The following MAX variants were observed in gnomAD, a reference collection of about 807,000 sequenced individuals.
MAX encodes the protein MYC associated transcriptional regulator X, also known as protein max.
A neutral mutation model predicts 22.3 loss-of-function variants in MAX; 3 were observed. The ratio of observed to expected loss-of-function variants is 0.13; its 90% confidence interval spans 0.06 to 0.35. The LOEUF is 0.35. Ranked by LOEUF, MAX falls within the 10% of genes least tolerant of loss-of-function variation. The probability of loss-of-function intolerance (pLI) is 1.00; values close to 1 mark genes in which losing one functional copy is unlikely to be tolerated. For synonymous variants in MAX, 72 were observed against 77.7 expected (o/e 0.93, Z 0.39); for missense variants, 119 against 209.4 (o/e 0.57, Z 2.66).
At chr14:65,020,434 C>T (rs905610434) in intron 3 of MAX, among the ~76,000 whole-genome samples, 3 of 151,954 alleles carry the variant, frequency 2.0e-5, no homozygotes, top group African/African-American at 4.8e-5. Flanking sequence ...CTTCAGCTTG[C>T]CTCTTTTTTT....
intron 3 of MAX, among the ~76,000 whole-genome samples, chr14:65,046,349 T>C (rs535240896): frequency 6.6e-6 from 1 of 152,332 alleles, no homozygotes; most frequent in African/African-American, 2.4e-5. Context: ...GTCAAGCCCC[T>C]GGTAAAATGG....
At position 65,054,746 on chromosome 14, in the gene MAX, G is replaced by T. The variant is rs991885041; in HGVS notation, c.171+38962C>A. On this transcript the variant is annotated intron_variant, in intron 3 of 3. Coordinates refer to the MAX transcript ENST00000341653. The surrounding 1 kb of genome is among the most constrained non-coding windows in gnomAD (Gnocchi z 4.4). ...TCCACAGGGACCTCGCGGACAGAAG[G>T]CTTTCCAAGTAAGCAGAACTGGCTC... The T allele has an allele frequency of 2.6e-6, 4 of 1,535,604 alleles. No individual in the cohort carries two copies. Among genetic ancestry groups the T allele is most frequent in the East Asian group, 2.4e-5 (1 of 41,008 alleles).
In MAX at chr14:65,093,331, A is replaced by T. The variant is rs903478443; in HGVS notation, c.171+377T>A. Among the ~76,000 whole-genome samples the T allele has an allele frequency of 3.3e-5, 5 of 152,218 alleles. No individual in the cohort carries two copies. The highest frequency in any genetic ancestry group is 1.2e-4 in the African/African-American group (5 of 41,454). On this transcript the variant is annotated intron_variant, in intron 3 of 4. Coordinates refer to ENST00000358664, the MANE Select transcript of MAX (RefSeq NM_002382.5). This position sits in a 1 kb window ranked among gnomAD's most constrained non-coding sequence, Gnocchi z 4.4. ...TAAAGTATTAACTTTGAACCATAGG[A>T]AAGGAATTCTCATGGAGGTCTAGGG...
chr14:65,076,166 C>T lies in MAX; in HGVS notation c.*310G>A, dbSNP rs2063050495. On this transcript the variant is annotated 3_prime_UTR_variant, in exon 5 of 5. Coordinates refer to ENST00000358664, the MANE Select transcript of MAX (RefSeq NM_002382.5). The surrounding 1 kb of genome is among the most constrained non-coding windows in gnomAD (Gnocchi z 6.6). ...TAGGGTGGGCAGGACACTATGTGCT[C>T]AGAGGTCCGGCCGGCCGTCTGTCCT... 4.4e-6 allele frequency: 6 copies of T among 1,372,874 alleles called. No individual in the cohort carries two copies. Among genetic ancestry groups the T allele is most frequent in the Non-Finnish European group, 4.7e-6 (5 of 1,063,840 alleles). 85.0% of individuals were successfully genotyped at this position (1,372,874 alleles called of 1,614,324 possible). A position where few individuals can be genotyped will look rare whatever the true frequency, so the allele number is the denominator to read the frequency against.
In MAX at chr14:65,093,206, A is replaced by G. The variant is rs552714875; in HGVS notation, c.171+502T>C. On this transcript the variant is annotated intron_variant, in intron 3 of 4. Transcript: ENST00000358664. The surrounding 1 kb of genome is among the most constrained non-coding windows in gnomAD (Gnocchi z 4.4). Reference sequence around the variant, plus strand: ...TGTCCCACAGCTTAAAATGCTCTTTATACGCCTTGGAAATAACAATTATTG... The same window carrying G: ...TGTCCCACAGCTTAAAATGCTCTTTGTACGCCTTGGAAATAACAATTATTG... Among the ~76,000 whole-genome samples the G allele has an allele frequency of 3.7e-4, 56 of 152,282 alleles. No homozygotes were observed. Among genetic ancestry groups the G allele is most frequent in the Admixed American group, 8.5e-4 (13 of 15,306 alleles).
chr14:65,071,760 C>T (rs967543171), downstream of MAX, among the ~76,000 whole-genome samples: 5 of 152,184 alleles, frequency 3.3e-5, no homozygotes, highest in Admixed American at 1.3e-4. The surrounding 1 kb of genome is among the most constrained non-coding windows in gnomAD (Gnocchi z 4.2). Flanking sequence ...TTCCCAACAC[C>T]GACCCCAATG....
chr14:65,078,065 G>GC lies in MAX; in HGVS notation c.172-30_172-29insG, dbSNP rs1373435079. ...TGGCAATATGAGAAAAAGCACAGGG[G>GC]ACAAAATAAAAACCCAATCCAGGCA... On this transcript the variant is annotated intron_variant, in intron 3 of 4. Transcript: ENST00000358664. This position sits in a 1 kb window ranked among gnomAD's most constrained non-coding sequence, Gnocchi z 6.4. 8.7e-6 allele frequency: 14 copies of GC among 1,614,020 alleles called. No individual in the cohort carries two copies. Among genetic ancestry groups the GC allele is most frequent in the Non-Finnish European group, 1.1e-5 (13 of 1,180,026 alleles).
chr14:65,076,245 G>A lies in MAX; in HGVS notation c.*231C>T. 7.0e-7 allele frequency: 1 copy of A among 1,429,694 alleles called. No homozygotes were observed. Among genetic ancestry groups the A allele is most frequent in the East Asian group, 2.5e-5 (1 of 39,804 alleles). 88.6% of individuals were successfully genotyped at this position (1,429,694 alleles called of 1,614,324 possible). A position where few individuals can be genotyped will look rare whatever the true frequency, so the allele number is the denominator to read the frequency against. On this transcript the variant is annotated 3_prime_UTR_variant, in exon 5 of 5. Transcript: ENST00000358664. The surrounding 1 kb of genome is among the most constrained non-coding windows in gnomAD (Gnocchi z 6.6). Reference sequence around the variant, plus strand: ...TTTTGGTTTAAAAATTCCTGTTGGGGACAGGGAATCCCTGAAGGGAATACA... The same window carrying A: ...TTTTGGTTTAAAAATTCCTGTTGGGAACAGGGAATCCCTGAAGGGAATACA...
Position 65,029,614 on chromosome 14 carries a change from A to G in MAX, c.172-23330T>C, listed in dbSNP as rs2062042464. Among the ~76,000 whole-genome samples the G allele has an allele frequency of 6.6e-6, 1 of 152,178 alleles. No homozygotes were observed. The highest frequency in any genetic ancestry group is 6.5e-5 in the Admixed American group (1 of 15,276). The stretch of plus-strand genomic sequence containing the variant: ...GTTATATAATCTAGATCATTCTGTG[A>G]GGATAAGGTGGAGGCAGGGATCTAG... On this transcript the variant is annotated intron_variant, in intron 3 of 3. Transcript: ENST00000341653. The surrounding 1 kb of genome is among the most constrained non-coding windows in gnomAD (Gnocchi z 4.7).
rs73268780 is a variant in MAX, at chr14:65,017,449, G to T, written c.172-11165C>A. ...GAAAAACTGGAAGAGAGAATCACAG[G>T]GGGTGCCTGAGGTGGAAGAACTCGA... On this transcript the variant is annotated intron_variant, in intron 3 of 3. Coordinates refer to the MAX transcript ENST00000341653. 8.9e-3 allele frequency among the ~76,000 whole-genome samples: 1,362 copies of T among 152,198 alleles called. 23 individuals are homozygous for T. The highest frequency in any genetic ancestry group is 0.081 in the East Asian group (420 of 5,162).
At chr14:65,019,687 C>T (rs961289132) in intron 3 of MAX, among the ~76,000 whole-genome samples, 5 of 152,118 alleles carry the variant, frequency 3.3e-5, no homozygotes, top group African/African-American at 1.2e-4. Flanking sequence ...GGTTCTTCTA[C>T]GCATTGATTT....
At chr14:65,072,605 C>T (rs1044620171), downstream of MAX, among the ~76,000 whole-genome samples, 8 of 152,284 alleles carry the variant, frequency 5.3e-5, no homozygotes, top group East Asian at 9.6e-4. Context: ...TGGTGAGCCA[C>T]GGCACACTTT....
chr14:65,025,198 G>T (rs1044452730), intron 3 of MAX, among the ~76,000 whole-genome samples: 1 of 152,172 alleles, frequency 6.6e-6, no homozygotes, highest in Non-Finnish European at 1.5e-5. Flanking sequence ...TGGTATCAAG[G>T]TGTGTCTGGT....
intron 2 of MAX, among the ~76,000 whole-genome samples, chr14:65,094,605 A>G (rs1031374310): frequency 2.0e-5 from 3 of 152,238 alleles, no homozygotes; most frequent in African/African-American, 7.2e-5. Flanking sequence ...GGCAGTATCT[A>G]AATATCCAAG....
rs116194136 is a variant in MAX, at chr14:65,013,248, T to C, written c.172-6964A>G. Among the ~76,000 whole-genome samples, 1,392 of 152,158 alleles carry C rather than the reference T, an allele frequency of 9.1e-3. 22 individuals are homozygous for C. The highest frequency in any genetic ancestry group is 0.031 in the African/African-American group (1,290 of 41,508). ...GGAGACTGAGGCTAACTGGAGACCC[T>C]GTGCCCTTAACTTCTTTCCTGCCCA... On this transcript the variant is annotated intron_variant, in intron 3 of 3. Coordinates refer to the MAX transcript ENST00000341653.
Position 65,075,246 on chromosome 14 carries a change from C to T in MAX, c.*1230G>A, listed in dbSNP as rs1047162863. 6.8e-5 allele frequency: 72 copies of T among 1,057,778 alleles called. No individual in the cohort carries two copies. Among genetic ancestry groups the T allele is most frequent in the Non-Finnish European group, 7.8e-5 (68 of 874,476 alleles). 65.5% of individuals were successfully genotyped at this position (1,057,778 alleles called of 1,614,324 possible). ...TATTTCCATGGAATGGAATCAAACA[C>T]GAACTGAGACTACAGAGTATACACT... On this transcript the variant is annotated 3_prime_UTR_variant, in exon 5 of 5. Coordinates refer to ENST00000358664, the MANE Select transcript of MAX (RefSeq NM_002382.5). The surrounding 1 kb of genome is among the most constrained non-coding windows in gnomAD (Gnocchi z 4.1).
chr14:65,086,722 T>G (rs146979285), intron 3 of MAX, among the ~76,000 whole-genome samples: 1 of 152,186 alleles, frequency 6.6e-6, no homozygotes, highest in Non-Finnish European at 1.5e-5. Flanking sequence ...TTCAGAAAAT[T>G]TGTAGCCTGA....
Position 65,011,139 on chromosome 14 carries a change from A to G in MAX, c.172-4855T>C, listed in dbSNP as rs2061676827. On this transcript the variant is annotated intron_variant, in intron 3 of 3. Transcript: ENST00000341653. The surrounding 1 kb of genome is among the most constrained non-coding windows in gnomAD (Gnocchi z 4.0). ...TGGAAGAGTTTTTGAGGTAAAGACT[A>G]CATGAAGGGCTGGGTGCGGTGGCTC... Among the ~76,000 whole-genome samples, 1 of 152,188 alleles carries G rather than the reference A, an allele frequency of 6.6e-6. No homozygotes were observed. Among genetic ancestry groups the G allele is most frequent in the Admixed American group, 6.5e-5 (1 of 15,278 alleles).
chr14:65,084,376 C>G lies in MAX; in HGVS notation c.172-6340G>C. 1 of 926,168 alleles carries G rather than the reference C, an allele frequency of 1.1e-6. No homozygotes were observed. Among genetic ancestry groups the G allele is most frequent in the Non-Finnish European group, 1.7e-6 (1 of 577,742 alleles). 57.4% of individuals were successfully genotyped at this position (926,168 alleles called of 1,614,324 possible). A position where few individuals can be genotyped will look rare whatever the true frequency, so the allele number is the denominator to read the frequency against. ...ATACAAAATTACTAACTTTTGTTTA[C>G]TGAATTAGTTACCCTCTTCCAAAAA... On this transcript the variant is annotated intron_variant, in intron 3 of 4. Coordinates refer to ENST00000358664, the MANE Select transcript of MAX (RefSeq NM_002382.5). The surrounding 1 kb of genome is among the most constrained non-coding windows in gnomAD (Gnocchi z 4.3).
Sources: allele counts gnomAD v4.1 joint callset (sites outside exome capture counted in the v4.1 genomes callset), GRCh38; gene constraint gnomAD v4.1.1; non-coding constraint Gnocchi (gnomAD v3.1); transcripts MANE v1.5; gene names NCBI Gene and HGNC (gene_info 2026-07-23, HGNC 2026-07-21).